Variants in SRPK2 observed in about 807,000 individuals in gnomAD.
SRPK2 encodes SRSF protein kinase 2.
SRPK2 carries 21 observed loss-of-function variants against 90.8 expected under a neutral mutation model. The ratio of observed to expected loss-of-function variants is 0.23; its 90% CI spans 0.16 to 0.33. The LOEUF is 0.33. Among genes scored for constraint, SRPK2 ranks in the 10% least tolerant of loss-of-function variants. The pLI, the probability that SRPK2 is intolerant of heterozygous loss-of-function variation, is 1.00. For synonymous variants in SRPK2, 288 were observed against 311.1 expected, an observed-to-expected ratio of 0.93 and a Z score of 0.78; for missense variants, 620 against 869.0, an observed-to-expected ratio of 0.71 and a Z score of 3.60.
intron 13 of SRPK2, among the ~76,000 whole-genome samples, chr7:105,127,420 C>A (rs1470899334): frequency 6.6e-6 from 1 of 152,210 alleles, no homozygotes; most frequent in African/African-American, 2.4e-5. Context: ...CCGTCTGACT[C>A]CAGCACCTGC....
In SRPK2 at chr7:105,176,679, ATG is replaced by A. The variant is rs201322744; in HGVS notation, c.230-7416_230-7415del. ...TACATACATATATATAGATGTATGC[ATG>A]TGTGTGTGTACATATATATGTATGT... On this transcript the variant is annotated intron_variant, in intron 3 of 15. Transcript: ENST00000393651. Among the ~76,000 whole-genome samples the A allele has an allele frequency of 1.7e-3, 222 of 134,018 alleles. 2 individuals carry two copies. Among genetic ancestry groups the A allele is most frequent in the African/African-American group, 4.2e-3 (145 of 34,202 alleles). 87.9% of individuals were successfully genotyped at this position (134,018 alleles called of 152,430 possible).
In SRPK2 at chr7:105,268,027, G is replaced by A. The variant is rs1013692143; in HGVS notation, c.72-64242C>T. Among the ~76,000 whole-genome samples the A allele has an allele frequency of 4.9e-4, 75 of 152,176 alleles. 3 individuals are homozygous for A. Among genetic ancestry groups the A allele is most frequent in the East Asian group, 1.9e-4 (1 of 5,180 alleles). ...ATACACTATTTTGGTAAACAGAACT[G>A]TATACAATATTTGCATATCAAAATA... On this transcript the variant is annotated intron_variant, in intron 2 of 15. Coordinates refer to ENST00000393651, the MANE Select transcript of SRPK2 (RefSeq NM_182692.3).
At chr7:105,247,669 G>T (rs1334891503) in intron 2 of SRPK2, among the ~76,000 whole-genome samples, 2 of 151,828 alleles carry the variant, frequency 1.3e-5, no homozygotes, top group Non-Finnish European at 2.9e-5. Context: ...CTAAAAAGAA[G>T]AAGTTTAATT....
chr7:105,205,218 T>G (rs1585168500), intron 2 of SRPK2, among the ~76,000 whole-genome samples: 1 of 148,160 alleles, frequency 6.7e-6, no homozygotes. Flanking sequence ...AAGGAAGGAG[T>G]AGGAATAGAA....
chr7:105,216,079 A>AG (rs1354737167), intron 2 of SRPK2, among the ~76,000 whole-genome samples: 1 of 152,166 alleles, frequency 6.6e-6, no homozygotes, highest in Admixed American at 6.6e-5. Context: ...CAAAAAAAAA[A>AG]AAAAAAAGTT....
chr7:105,227,705 G>A lies in SRPK2; in HGVS notation c.72-23920C>T, dbSNP rs188886125. Among the ~76,000 whole-genome samples, 24 of 151,920 alleles carry A rather than the reference G, an allele frequency of 1.6e-4. No individual in the cohort carries two copies. The East Asian group carries it at 3.9e-3, about 25-fold the overall frequency. ...ATTTCAAACATATAAGTTATCATAC[G>A]ACCCAGCAATCTCACTTCTAGGTAT... On this transcript the variant is annotated intron_variant, in intron 2 of 15. Coordinates refer to ENST00000393651, the MANE Select transcript of SRPK2 (RefSeq NM_182692.3).
At chr7:105,285,273 C>T (rs188901649) in intron 2 of SRPK2, among the ~76,000 whole-genome samples, 1 of 151,228 alleles carries the variant, frequency 6.6e-6, no homozygotes, top group Non-Finnish European at 1.5e-5. Flanking sequence ...ATAATCCCAG[C>T]TACTCGGGAG....
At chr7:105,215,674 T>C (rs952463480) in intron 2 of SRPK2, among the ~76,000 whole-genome samples, 3 of 152,182 alleles carry the variant, frequency 2.0e-5, no homozygotes, top group African/African-American at 4.8e-5. Flanking sequence ...GAAGTACTCA[T>C]AGATGCTACC....
intron 2 of SRPK2, among the ~76,000 whole-genome samples, chr7:105,234,012 T>A (rs1799836795): frequency 6.6e-6 from 1 of 152,212 alleles, no homozygotes; most frequent in Admixed American, 6.5e-5. Context: ...ATAAAACTAA[T>A]TTCATTTTAA....
chr7:105,392,963 C>T (rs1822219976), upstream of SRPK2, among the ~76,000 whole-genome samples: 1 of 151,122 alleles, frequency 6.6e-6, no homozygotes, highest in African/African-American at 2.4e-5. Context: ...CAGGCATGTA[C>T]CACCACACCC....
At chr7:105,182,748 G>A (rs1044081854) in intron 3 of SRPK2, among the ~76,000 whole-genome samples, 2 of 152,112 alleles carry the variant, frequency 1.3e-5, no homozygotes, top group East Asian at 1.9e-4. Flanking sequence ...GATTACAGGC[G>A]TGAGCCACAG....
intron 2 of SRPK2, among the ~76,000 whole-genome samples, chr7:105,222,502 T>C (rs1022260043): frequency 6.6e-6 from 1 of 152,244 alleles, no homozygotes; most frequent in Non-Finnish European, 1.5e-5. Flanking sequence ...TTTAAGCATT[T>C]TAAGCAGAAA....
At chr7:105,189,943 T>C (rs1294251559) in intron 3 of SRPK2, 1 of 152,422 alleles carries the variant, frequency 6.6e-6, no homozygotes, top group Admixed American at 6.5e-5. Context: ...CGTGATGGCA[T>C]GGGGCTGTTG....
chr7:105,275,682 A>T (rs1014411356), intron 2 of SRPK2, among the ~76,000 whole-genome samples: 2 of 152,198 alleles, frequency 1.3e-5, no homozygotes, highest in African/African-American at 2.4e-5. Context: ...AACCCTGATG[A>T]GGAGTAGCAG....
rs562724650 is a variant in SRPK2, at chr7:105,377,755, G to A, written c.71+10893C>T. Among the ~76,000 whole-genome samples the A allele has an allele frequency of 1.8e-4, 28 of 152,088 alleles. No homozygotes were observed. In the South Asian group the frequency reaches 4.8e-3, roughly 26 times the overall value. Reference sequence around the variant, plus strand: ...GGCCAAAGTCACCATTAATTTTTCCGAAACACATTCTGCATTCCCTATTGC... The same window carrying A: ...GGCCAAAGTCACCATTAATTTTTCCAAAACACATTCTGCATTCCCTATTGC... On this transcript the variant is annotated intron_variant, in intron 2 of 15. Transcript: ENST00000393651.
At chr7:105,358,932 A>C (rs1818106794) in intron 2 of SRPK2, among the ~76,000 whole-genome samples, 1 of 151,396 alleles carries the variant, frequency 6.6e-6, no homozygotes, top group Non-Finnish European at 1.5e-5. Flanking sequence ...GAACACAGAG[A>C]GAGAGAGAGA....
At chr7:105,240,596 A>C (rs1459940387) in intron 2 of SRPK2, among the ~76,000 whole-genome samples, 1 of 149,352 alleles carries the variant, frequency 6.7e-6, no homozygotes, top group Non-Finnish European at 1.5e-5. Flanking sequence ...GAAGAAAAGG[A>C]AAAAAAAAAT....
At chr7:105,268,260 GCA>G (rs1289057820) in intron 2 of SRPK2, among the ~76,000 whole-genome samples, 2 of 152,100 alleles carry the variant, frequency 1.3e-5, no homozygotes, top group East Asian at 3.9e-4. Flanking sequence ...CCATTTCCTA[GCA>G]CAGACTTGAA....
chr7:105,131,677 G>A (rs1393804407), intron 13 of SRPK2, among the ~76,000 whole-genome samples: 1 of 152,126 alleles, frequency 6.6e-6, no homozygotes, highest in Non-Finnish European at 1.5e-5. Flanking sequence ...AGCATTAGAG[G>A]AGGTAAAACA....
Sources: gnomAD v4.1 joint callset for allele counts (sites outside exome capture counted in the v4.1 genomes callset) on GRCh38, gnomAD v4.1.1 for gene constraint, MANE v1.5 for transcripts, NCBI Gene and HGNC (gene_info 2026-07-23, HGNC 2026-07-21) for gene names.